OGFRL1: variants seen among roughly 807,000 people sequenced by gnomAD.
The protein encoded by OGFRL1 is opioid growth factor receptor-like protein 1.
OGFRL1 carries 26 observed loss-of-function variants against 32.4 expected under a neutral mutation model. The ratio of observed to expected loss-of-function variants is 0.80; its 90% CI spans 0.59 to 1.11. OGFRL1 has a LOEUF of 1.11. Ranked by LOEUF, OGFRL1 falls within the 50% of genes most tolerant of loss-of-function variation. OGFRL1 has a pLI of 0.00. For synonymous variants in OGFRL1, 211 were observed against 201.2 expected (o/e 1.05, Z -0.41); for missense variants, 521 against 546.4 (o/e 0.95, Z 0.46).
Position 71,308,845 on chromosome 6 carries a change from T to C in OGFRL1, c.*6796T>C, listed in dbSNP as rs946491832. ...GAACTATTGCCAAATATACATCCTG[T>C]AAAACTAATAAAAGCCACTCCATCT... On this transcript the variant is annotated 3_prime_UTR_variant, in exon 7 of 7. Coordinates refer to ENST00000370435, the MANE Select transcript of OGFRL1 (RefSeq NM_024576.5). The C allele has an allele frequency of 2.0e-5, 3 of 151,964 alleles. No individual in the cohort carries two copies. Among genetic ancestry groups the C allele is most frequent in the Non-Finnish European group, 4.4e-5 (3 of 67,986 alleles). The allele number at this position is 151,964 out of a possible 1,614,324, so 9.4% of individuals were successfully genotyped here. A position where few individuals can be genotyped will look rare whatever the true frequency, so the allele number is the denominator to read the frequency against.
intron 1 of OGFRL1, among the ~76,000 whole-genome samples, chr6:71,292,888 CTT>C (rs997237568): frequency 6.6e-6 from 1 of 152,068 alleles, no homozygotes; most frequent in Non-Finnish European, 1.5e-5. Flanking sequence ...GATTTAGTAA[CTT>C]AACACATTCT....
chr6:71,296,934 A>G, intron 6 of OGFRL1, 117 bp downstream of exon 6: 1 of 1,201,170 alleles, frequency 8.3e-7, no homozygotes, highest in Non-Finnish European at 1.2e-6. Flanking sequence ...ATTTGGATTA[A>G]AAAGCTAGTC....
At chr6:71,294,257 A>G (rs982536642) in intron 3 of OGFRL1, among the ~76,000 whole-genome samples, 6 of 152,012 alleles carry the variant, frequency 3.9e-5, no homozygotes, top group African/African-American at 1.4e-4. Context: ...TGACCACAAC[A>G]TTGCATATTT....
chr6:71,293,333 GT>G lies in OGFRL1; in HGVS notation c.280del (p.Tyr94MetfsTer25), dbSNP rs1766105524. Reference protein sequence around the residue: ...STEATAKPKRSFYAARDLYKY... With the variant: ...STEATAKPKRXFYAARDLYKY... Reference sequence around the variant, plus strand: ...GAAGCAACTGCCAAACCAAAGAGAAGTTTTTATGCTGCCAGGGATTTGTACA... The same window carrying G: ...GAAGCAACTGCCAAACCAAAGAGAAGTTTTATGCTGCCAGGGATTTGTACA... On this transcript the variant is annotated frameshift_variant, in exon 2 of 7. Coordinates refer to ENST00000370435, the MANE Select transcript of OGFRL1 (RefSeq NM_024576.5). LOFTEE classifies it high-confidence loss of function. 1 of 1,613,802 alleles carries G rather than the reference GT, an allele frequency of 6.2e-7. No homozygotes were observed. The highest frequency in any genetic ancestry group is 8.5e-7 in the Non-Finnish European group (1 of 1,179,834).
At position 71,288,999 on chromosome 6, in the gene OGFRL1, C is replaced by A. The variant is rs1489549866; in HGVS notation, c.63C>A (p.Ser21=). 1 of 1,388,852 alleles carries A rather than the reference C, an allele frequency of 7.2e-7. No homozygotes were observed. The highest frequency in any genetic ancestry group is 9.5e-7 in the Non-Finnish European group (1 of 1,055,030). 86.0% of individuals were successfully genotyped at this position (1,388,852 alleles called of 1,614,324 possible). ...REPTTVEDCD[S]TWQTDSEPEP... is the part of the protein sequence containing the mutation. ...CCACCACCGTGGAGGACTGCGACTC[C>A]ACCTGGCAGACCGACTCGGAGCCCG... Residue 21 remains serine (S), a synonymous_variant, in exon 1 of 7, where the codon TCC becomes TCA. Transcript: ENST00000370435.
chr6:71,290,560 A>T (rs1290615023), intron 1 of OGFRL1, among the ~76,000 whole-genome samples: 2 of 152,166 alleles, frequency 1.3e-5, no homozygotes, highest in Non-Finnish European at 2.9e-5. Context: ...TAACTAGTAG[A>T]CTACACCAGC....
chr6:71,308,892 G>A lies in OGFRL1; in HGVS notation c.*6843G>A, dbSNP rs184133726. The A allele has an allele frequency of 6.9e-4, 105 of 152,194 alleles. 1 individual carries two copies. The highest frequency in any genetic ancestry group is 2.0e-3 in the Admixed American group (31 of 15,260). The allele number at this position is 152,194 out of a possible 1,614,324, so 9.4% of individuals were successfully genotyped here. ...ATCTTAGATAACATTTTAGCATTGT[G>A]CTAGAGTACATTATGGTGATTTTGC... On this transcript the variant is annotated 3_prime_UTR_variant, in exon 7 of 7. Transcript: ENST00000370435.
rs566061861 is a variant in OGFRL1, at chr6:71,297,060, A to G, written c.692+243A>G. Among the ~76,000 whole-genome samples the G allele has an allele frequency of 5.4e-5, 8 of 147,672 alleles. No homozygotes were observed. In the South Asian group the frequency reaches 1.7e-3, roughly 32 times the overall value. ...AGCTTCAGACCTGTTTCTCCCTGAAACCTTCCTATTGCCCACAGCCAAATG... is the reference window on the plus strand; with the variant it reads ...AGCTTCAGACCTGTTTCTCCCTGAAGCCTTCCTATTGCCCACAGCCAAATG... On this transcript the variant is annotated intron_variant, in intron 6 of 6. Transcript: ENST00000370435.
At position 71,304,824 on chromosome 6, in the gene OGFRL1, T is replaced by A. The variant is rs984750052; in HGVS notation, c.*2775T>A. 6 of 152,090 alleles carry A rather than the reference T, an allele frequency of 3.9e-5. No homozygotes were observed. Among genetic ancestry groups the A allele is most frequent in the Non-Finnish European group, 7.4e-5 (5 of 67,938 alleles). 9.4% of individuals were successfully genotyped at this position (152,090 alleles called of 1,614,324 possible). The stretch of plus-strand genomic sequence containing the variant: ...CATATATAATAGTATGTTTCTTACA[T>A]TTAATCCCTAAATAACTTAGATAAT... On this transcript the variant is annotated 3_prime_UTR_variant, in exon 7 of 7. Coordinates refer to ENST00000370435, the MANE Select transcript of OGFRL1 (RefSeq NM_024576.5).
At position 71,307,487 on chromosome 6, in the gene OGFRL1, G is replaced by GT. The variant is rs1377641782; in HGVS notation, c.*5445dup. ...GATCTTGGGAATCATTGAAATATGA[G>GT]TTTTTTTCCCTCACTCCTATTTATT... On this transcript the variant is annotated 3_prime_UTR_variant, in exon 7 of 7. Transcript: ENST00000370435. 6.6e-6 allele frequency: 1 copy of GT among 151,994 alleles called. No homozygotes were observed. Among genetic ancestry groups the GT allele is most frequent in the Non-Finnish European group, 1.5e-5 (1 of 68,014 alleles). The allele number at this position is 151,994 out of a possible 1,614,324, so 9.4% of individuals were successfully genotyped here.
At chr6:71,292,056 G>A (rs1270466796) in intron 1 of OGFRL1, 1 of 152,156 alleles carries the variant, frequency 6.6e-6, no homozygotes, top group African/African-American at 2.4e-5. Flanking sequence ...AATGCCTTTT[G>A]ACTGTCAACC....
Position 71,301,953 on chromosome 6 carries a change from T to C in OGFRL1, c.1260T>C (p.Ser420=), listed in dbSNP as rs1178168609. ...CTACTCCCACAGAAAAAAAGGAGAG[T>C]GTATCTCCTGAGAATAACGAAGAAG... The part of the protein sequence containing the change: ...TVTTPTEKKE[S]VSPENNEEGG... Residue 420 remains serine (S), a synonymous_variant, in exon 7 of 7, where the codon AGT becomes AGC. Transcript: ENST00000370435. 3 of 1,609,872 alleles carry C rather than the reference T, an allele frequency of 1.9e-6. No individual in the cohort carries two copies. The highest frequency in any genetic ancestry group is 2.2e-5 in the East Asian group (1 of 44,842).
In OGFRL1 at chr6:71,308,102, G is replaced by C. The variant is rs2149360157; in HGVS notation, c.*6053G>C. The C allele has an allele frequency of 6.6e-6, 1 of 152,352 alleles. No individual in the cohort carries two copies. The highest frequency in any genetic ancestry group is 2.1e-4 in the South Asian group (1 of 4,828). The allele number at this position is 152,352 out of a possible 1,614,324, so 9.4% of individuals were successfully genotyped here. A position where few individuals can be genotyped will look rare whatever the true frequency, so the allele number is the denominator to read the frequency against. On this transcript the variant is annotated 3_prime_UTR_variant, in exon 7 of 7. Transcript: ENST00000370435. The stretch of plus-strand genomic sequence containing the variant: ...GTTGAAGCCCTCCAGTAGACTGATA[G>C]ATGTAATCAAATGATCAGCTACCAA...
At chr6:71,300,179 G>C (rs1194881355) in intron 6 of OGFRL1, among the ~76,000 whole-genome samples, 1 of 152,208 alleles carries the variant, frequency 6.6e-6, no homozygotes, top group Non-Finnish European at 1.5e-5. Context: ...GCTTTAGGAA[G>C]TTAGAAATAA....
chr6:71,298,119 C>T (rs1274355590), intron 6 of OGFRL1, among the ~76,000 whole-genome samples: 1 of 151,882 alleles, frequency 6.6e-6, no homozygotes, highest in African/African-American at 2.4e-5. Context: ...GTAGTTTGTA[C>T]TAAAACGCTA....
Position 71,289,180 on chromosome 6 carries a change from C to A in OGFRL1, c.234+10C>A. Reference sequence around the variant, plus strand: ...GGCGGGCGCCGAGCAGGTACGCGGCCCAGCGGTGGCCTCGGGTCGGGCTGG... The same window carrying A: ...GGCGGGCGCCGAGCAGGTACGCGGCACAGCGGTGGCCTCGGGTCGGGCTGG... On this transcript the variant is annotated intron_variant, in intron 1 of 6. Transcript: ENST00000370435. 9.3e-7 allele frequency: 1 copy of A among 1,071,416 alleles called. No homozygotes were observed. Among genetic ancestry groups the A allele is most frequent in the Non-Finnish European group, 1.1e-6 (1 of 887,750 alleles). The allele number at this position is 1,071,416 out of a possible 1,614,324, so 66.4% of individuals were successfully genotyped here. A position where few individuals can be genotyped will look rare whatever the true frequency, so the allele number is the denominator to read the frequency against.
chr6:71,300,120 A>G (rs1441691440), intron 6 of OGFRL1, among the ~76,000 whole-genome samples: 1 of 152,242 alleles, frequency 6.6e-6, no homozygotes, highest in Non-Finnish European at 1.5e-5. Context: ...AAGCTAGGAC[A>G]GGTATATATA....
At chr6:71,297,677 C>T (rs1023891014) in intron 6 of OGFRL1, among the ~76,000 whole-genome samples, 1 of 151,998 alleles carries the variant, frequency 6.6e-6, no homozygotes, top group African/African-American at 2.4e-5. Context: ...AAAATTAAAA[C>T]TAACCTAAGC....
At position 71,308,666 on chromosome 6, in the gene OGFRL1, A is replaced by T. The variant is rs141181259; in HGVS notation, c.*6617A>T. 1 of 152,206 alleles carries T rather than the reference A, an allele frequency of 6.6e-6. No homozygotes were observed. The highest frequency in any genetic ancestry group is 2.4e-5 in the African/African-American group (1 of 41,452). The allele number at this position is 152,206 out of a possible 1,614,324, so 9.4% of individuals were successfully genotyped here. On this transcript the variant is annotated 3_prime_UTR_variant, in exon 7 of 7. Coordinates refer to ENST00000370435, the MANE Select transcript of OGFRL1 (RefSeq NM_024576.5). ...TAACCAGTTTCTGGATCTGTATGGT[A>T]CTATAAAATACTTATTTTATAATTC...
Sources: gnomAD v4.1 joint callset for allele counts (sites outside exome capture counted in the v4.1 genomes callset) on GRCh38, gnomAD v4.1.1 for gene constraint, MANE v1.5 for transcripts, NCBI Gene and HGNC (gene_info 2026-07-23, HGNC 2026-07-21) for gene names.